Variants in PDE10A observed in about 807,000 individuals in gnomAD.
PDE10A encodes the protein cAMP and cAMP-inhibited cGMP 3',5'-cyclic phosphodiesterase 10A.
Under a neutral mutation model 97.7 loss-of-function variants are expected in PDE10A, and 39 were observed. The observed-to-expected ratio is 0.40, with a 90% CI of 0.31 to 0.52. The LOEUF (loss-of-function observed/expected upper bound fraction) is 0.52, where lower values mean the gene tolerates loss of function less well. Ranked by LOEUF, PDE10A falls within the 20% of genes least tolerant of loss-of-function variation. The probability of loss-of-function intolerance (pLI) is 0.56; values close to 1 mark genes in which losing one functional copy is unlikely to be tolerated. For missense variants in PDE10A, 731 were observed against 1,047.8 expected (o/e 0.70, Z 4.17); for synonymous variants, 371 against 376.8 (o/e 0.98, Z 0.18).
intron 1 of PDE10A, among the ~76,000 whole-genome samples, chr6:165,745,769 T>C (rs1379514014): frequency 6.6e-6 from 1 of 152,194 alleles, no homozygotes; most frequent in African/African-American, 2.4e-5. Flanking sequence ...ATTTGCAAAA[T>C]ATTACCAAGT....
At chr6:165,619,393 T>TCTAGC (rs1787946320) in intron 1 of PDE10A, among the ~76,000 whole-genome samples, 3 of 126,718 alleles carry the variant, frequency 2.4e-5, no homozygotes, top group Admixed American at 1.5e-4. Flanking sequence ...TCTAGTATAG[T>TCTAGC]GTAGTGTAGT....
chr6:165,679,719 C>T (rs1790925002), intron 1 of PDE10A, among the ~76,000 whole-genome samples: 2 of 152,352 alleles, frequency 1.3e-5, no homozygotes, highest in East Asian at 1.9e-4. Context: ...CCTCATCCAT[C>T]GCTGTGATGT....
At chr6:165,882,267 C>T (rs1342547206) in intron 1 of PDE10A, among the ~76,000 whole-genome samples, 1 of 152,198 alleles carries the variant, frequency 6.6e-6, no homozygotes, top group Admixed American at 6.5e-5. Context: ...ATACATCTGT[C>T]TGAGCAGCTA....
At chr6:165,936,662 GGAGA>G (rs1783341287) in intron 1 of PDE10A, among the ~76,000 whole-genome samples, 1 of 152,182 alleles carries the variant, frequency 6.6e-6, no homozygotes, top group Admixed American at 6.5e-5. Flanking sequence ...TGAAACGAAA[GGAGA>G]GAGAGGTGAT....
At chr6:165,724,412 T>C (rs1792241915) in intron 1 of PDE10A, among the ~76,000 whole-genome samples, 4 of 152,180 alleles carry the variant, frequency 2.6e-5, no homozygotes, top group Admixed American at 2.6e-4. Flanking sequence ...AAATTATCGC[T>C]TCTATTTTCA....
At chr6:165,358,541 A>G (rs192867860) in intron 18 of PDE10A, among the ~76,000 whole-genome samples, 102 of 150,012 alleles carry the variant, frequency 6.8e-4, no homozygotes, top group Non-Finnish European at 1.2e-3. Flanking sequence ...TTGCCATGGT[A>G]TATCTTTATC....
rs536972714 is a variant in PDE10A at position 165,916,680 on chromosome 6, C to A, written c.-615+70849G>T. Among the ~76,000 whole-genome samples the A allele has an allele frequency of 2.6e-5, 4 of 152,288 alleles. No homozygotes were observed. The East Asian group carries it at 7.7e-4, about 29-fold the overall frequency. ...TTTCATTTATTGATTGATTGTGCTG[C>A]TGCATGGCTCTGGGTCAAAAGATTG... On this transcript the variant is annotated intron_variant, in intron 1 of 19. Transcript: ENST00000366882.
At chr6:165,741,329 GA>G (rs1186617206) in intron 1 of PDE10A, among the ~76,000 whole-genome samples, 21 of 152,122 alleles carry the variant, frequency 1.4e-4, no homozygotes, top group African/African-American at 4.8e-4. Context: ...ATTATTGCCT[GA>G]AAAAAATTTA....
At chr6:165,554,534 G>A (rs1032198860) in intron 1 of PDE10A, among the ~76,000 whole-genome samples, 3 of 152,136 alleles carry the variant, frequency 2.0e-5, no homozygotes, top group Admixed American at 1.3e-4. Flanking sequence ...CGAGGATGTA[G>A]AGAAAAGGGA....
intron 1 of PDE10A, among the ~76,000 whole-genome samples, chr6:165,557,250 G>A (rs1390935114): frequency 6.6e-6 from 1 of 152,130 alleles, no homozygotes; most frequent in East Asian, 1.9e-4. Context: ...TAGGTTTCTG[G>A]TAGTATAATT....
intron 3 of PDE10A, among the ~76,000 whole-genome samples, chr6:165,455,509 C>A (rs968312199): frequency 6.6e-6 from 1 of 152,182 alleles, no homozygotes; most frequent in Non-Finnish European, 1.5e-5. Context: ...ATTACTATGA[C>A]CAAAAGCGGC....
rs1252342139 is a variant in PDE10A, at chr6:165,619,537, ATGTAG to A, written c.865+42405_865+42409del. ...GTCTAGTGTAGTGTAGTGTAGTCTAATGTAGTGTAGTGTAGTCTAGTGTAGTATAC... is the reference window on the plus strand; with the variant it reads ...GTCTAGTGTAGTGTAGTGTAGTCTAATGTAGTGTAGTCTAGTGTAGTATAC... On this transcript the variant is annotated intron_variant, in intron 1 of 21. Transcript: ENST00000539869. Among the ~76,000 whole-genome samples the A allele has an allele frequency of 1.1e-3, 18 of 15,948 alleles. 2 individuals are homozygous for A. Among genetic ancestry groups the A allele is most frequent in the African/African-American group, 1.6e-3 (5 of 3,172 alleles). 10.5% of individuals were successfully genotyped at this position (15,948 alleles called of 152,430 possible).
At chr6:165,942,155 C>T (rs568379097) in intron 1 of PDE10A, among the ~76,000 whole-genome samples, 1 of 152,242 alleles carries the variant, frequency 6.6e-6, no homozygotes, top group East Asian at 1.9e-4. Context: ...GTTACTGCCT[C>T]ATTTATTAAA....
At chr6:165,766,313 G>C (rs893803975) in intron 1 of PDE10A, among the ~76,000 whole-genome samples, 1 of 152,188 alleles carries the variant, frequency 6.6e-6, no homozygotes, top group Non-Finnish European at 1.5e-5. Context: ...GGAAGCTTTC[G>C]ATCACAAAAG....
chr6:165,438,655 T>C (rs1345873965), intron 5 of PDE10A, among the ~76,000 whole-genome samples: 1 of 152,226 alleles, frequency 6.6e-6, no homozygotes, highest in Non-Finnish European at 1.5e-5. Context: ...TCATGATTTA[T>C]TTTATAAGCT....
chr6:165,479,955 A>G (rs1187767892), intron 3 of PDE10A, among the ~76,000 whole-genome samples: 1 of 152,216 alleles, frequency 6.6e-6, no homozygotes, highest in African/African-American at 2.4e-5. Context: ...CTAATTCTCC[A>G]TTAAAACCGT....
At chr6:165,596,523 G>C (rs1042885853) in intron 1 of PDE10A, among the ~76,000 whole-genome samples, 1 of 152,208 alleles carries the variant, frequency 6.6e-6, no homozygotes, top group African/African-American at 2.4e-5. Context: ...GAGTCCAGCA[G>C]TTCCAGACCA....
At chr6:165,696,800 A>C (rs950779933) in intron 1 of PDE10A, among the ~76,000 whole-genome samples, 1 of 152,248 alleles carries the variant, frequency 6.6e-6, no homozygotes, top group African/African-American at 2.4e-5. Flanking sequence ...AAGAAGTAAA[A>C]AAGGTAATGT....
At chr6:165,647,996 G>A (rs1288949107) in intron 1 of PDE10A, among the ~76,000 whole-genome samples, 5 of 152,142 alleles carry the variant, frequency 3.3e-5, no homozygotes. Context: ...ACAAATACAG[G>A]CACACACACA....
Sources: allele counts gnomAD v4.1 joint callset (sites outside exome capture counted in the v4.1 genomes callset), GRCh38; gene constraint gnomAD v4.1.1; transcripts MANE v1.5; gene names NCBI Gene and HGNC (gene_info 2026-07-23, HGNC 2026-07-21).